The following MUSK variants were observed in gnomAD, a reference collection of about 807,000 sequenced individuals.
MUSK encodes muscle associated receptor tyrosine kinase.
Under a neutral mutation model 88.7 loss-of-function variants are expected in MUSK, and 55 were observed. The observed-to-expected ratio is 0.62, with a 90% CI of 0.50 to 0.78. The LOEUF is 0.78. Ranked by LOEUF, MUSK falls within the 30% of genes least tolerant of loss-of-function variation. MUSK has a pLI of 0.00. For synonymous variants in MUSK, 387 were observed against 391.9 expected (o/e 0.99, Z 0.15); for missense variants, 1,015 against 1,074.3 (o/e 0.94, Z 0.77).
intron 3 of MUSK, among the ~76,000 whole-genome samples, chr9:110,688,087 T>C (rs1424978153): frequency 6.6e-6 from 1 of 152,160 alleles, no homozygotes; most frequent in Non-Finnish European, 1.5e-5. Context: ...TTTTAAACCA[T>C]TCTATTTTGT....
chr9:110,694,593 T>A (rs1307816343), intron 3 of MUSK, among the ~76,000 whole-genome samples: 2 of 152,120 alleles, frequency 1.3e-5, no homozygotes, highest in African/African-American at 2.4e-5. Flanking sequence ...AATGTGTCCA[T>A]TGCTCAGTAG....
At chr9:110,768,134 C>T (rs1310143767) in intron 9 of MUSK, 51 bp downstream of exon 9, 1 of 1,516,900 alleles carries the variant, frequency 6.6e-7, no homozygotes. Flanking sequence ...TCTATCTGCA[C>T]AACAGAAGGA....
intron 9 of MUSK, among the ~76,000 whole-genome samples, chr9:110,768,497 A>G (rs1215750664): frequency 6.6e-6 from 1 of 152,248 alleles, no homozygotes; most frequent in Non-Finnish European, 1.5e-5. Context: ...TCTCAAACAA[A>G]CAAACAAATA....
At chr9:110,689,534 A>ATAGTT in intron 3 of MUSK, among the ~76,000 whole-genome samples, 1 of 102,220 alleles carries the variant, frequency 9.8e-6, no homozygotes, top group African/African-American at 4.4e-5. Flanking sequence ...ACTATATATA[A>ATAGTT]ATATATAGTT....
intron 5 of MUSK, among the ~76,000 whole-genome samples, chr9:110,724,562 T>A (rs1420105537): frequency 6.6e-6 from 1 of 151,904 alleles, no homozygotes; most frequent in Non-Finnish European, 1.5e-5. Context: ...GAGCCTCCAA[T>A]CCCCCATCTC....
intron 14 of MUSK, among the ~76,000 whole-genome samples, chr9:110,797,516 G>A (rs2078028667): frequency 6.6e-6 from 1 of 152,170 alleles, no homozygotes; most frequent in African/African-American, 2.4e-5. Context: ...AAGTAATTTA[G>A]TGGTCAGGAT....
At chr9:110,673,039 G>A (rs1449545374) in intron 1 of MUSK, among the ~76,000 whole-genome samples, 1 of 152,148 alleles carries the variant, frequency 6.6e-6, no homozygotes, top group Non-Finnish European at 1.5e-5. Context: ...CTGGATAGTA[G>A]AATGAAAGTA....
At chr9:110,731,362 G>A (rs1371155334) in intron 5 of MUSK, among the ~76,000 whole-genome samples, 1 of 152,020 alleles carries the variant, frequency 6.6e-6, no homozygotes, top group African/African-American at 2.4e-5. Context: ...ACAAGGGTAA[G>A]GGGAATGGGG....
intron 1 of MUSK, among the ~76,000 whole-genome samples, chr9:110,680,075 T>C (rs3001140): frequency 0.25 from 38,385 of 152,074 alleles, 6,560 homozygotes; most frequent in African/African-American, 0.47. Flanking sequence ...CTAGTAACTA[T>C]TTCAGAGAAA....
intron 5 of MUSK, among the ~76,000 whole-genome samples, chr9:110,721,880 G>A (rs531335148): frequency 6.6e-6 from 1 of 152,244 alleles, no homozygotes; most frequent in South Asian, 2.1e-4. Context: ...CATGGTACTG[G>A]TATAAAAATG....
At position 110,785,683 on chromosome 9, in the gene MUSK, C is replaced by A. The variant is rs756096336; in HGVS notation, c.1743C>A (p.Ile581=). Residue 581 remains isoleucine (I), a synonymous_variant, in exon 13 of 15, where the codon ATC becomes ATA. Coordinates refer to ENST00000374448, the MANE Select transcript of MUSK (RefSeq NM_005592.4). The part of the protein sequence containing the change: ...PRNNIEYVRD[I]GEGAFGRVFQ... ...ATAACATTGAATATGTGAGAGACAT[C>A]GGAGAGGGAGCGTTTGGAAGGGTGT... 6.5e-5 allele frequency: 105 copies of A among 1,607,022 alleles called. No homozygotes were observed. Among genetic ancestry groups the A allele is most frequent in the South Asian group, 1.9e-4 (17 of 89,756 alleles).
intron 5 of MUSK, among the ~76,000 whole-genome samples, chr9:110,713,625 T>G (rs902521662): frequency 8.5e-5 from 13 of 152,162 alleles, no homozygotes; most frequent in Non-Finnish European, 1.8e-4. Context: ...ACCTATGGTT[T>G]GGAGGCATAT....
At chr9:110,681,092 TATTATA>T (rs2076120463) in intron 1 of MUSK, among the ~76,000 whole-genome samples, 1 of 20,704 alleles carries the variant, frequency 4.8e-5, no homozygotes, top group Non-Finnish European at 8.1e-5. Context: ...ATATAATATA[TATTATA>T]TAATATATAT....
intron 5 of MUSK, among the ~76,000 whole-genome samples, chr9:110,714,873 G>T (rs1353403843): frequency 2.6e-5 from 4 of 152,138 alleles, no homozygotes; most frequent in Non-Finnish European, 5.9e-5. Flanking sequence ...GATGCTAGAT[G>T]AGACAAATAG....
At chr9:110,742,405 A>G (rs1165242755) in intron 6 of MUSK, among the ~76,000 whole-genome samples, 1 of 152,176 alleles carries the variant, frequency 6.6e-6, no homozygotes, top group Non-Finnish European at 1.5e-5. Flanking sequence ...ACAGTGAGCC[A>G]AGATTGCGCC....
intron 3 of MUSK, among the ~76,000 whole-genome samples, chr9:110,689,743 T>TATATATAAGA (rs1417062202): frequency 1.3e-5 from 1 of 74,140 alleles, no homozygotes; most frequent in African/African-American, 7.5e-5. Flanking sequence ...ATATATAATA[T>TATATATAAGA]TATATATTAT....
At chr9:110,717,092 G>A (rs948869576) in intron 5 of MUSK, among the ~76,000 whole-genome samples, 3 of 149,614 alleles carry the variant, frequency 2.0e-5, no homozygotes, top group African/African-American at 7.6e-5. Flanking sequence ...GTAGATAAGT[G>A]TAGGTCTTTG....
At chr9:110,687,329 A>G (rs1289854547) in intron 3 of MUSK, 61 bp downstream of exon 3, 3 of 1,589,816 alleles carry the variant, frequency 1.9e-6, no homozygotes, top group Admixed American at 1.7e-5. Context: ...TTAGTTTTGT[A>G]TTTATTTTTT....
intron 7 of MUSK, among the ~76,000 whole-genome samples, chr9:110,757,967 T>C (rs1486211087): frequency 6.6e-6 from 1 of 152,184 alleles, no homozygotes; most frequent in Non-Finnish European, 1.5e-5. Flanking sequence ...AAAGGTTTTA[T>C]TTTGTTTTGT....
Sources: allele counts gnomAD v4.1 joint callset (sites outside exome capture counted in the v4.1 genomes callset), GRCh38; gene constraint gnomAD v4.1.1; transcripts MANE v1.5; gene names NCBI Gene and HGNC (gene_info 2026-07-23, HGNC 2026-07-21).